SLC14A2: variants seen among roughly 807,000 people sequenced by gnomAD.
The protein encoded by SLC14A2 is solute carrier family 14 member 2.
SLC14A2 carries 91 observed loss-of-function variants against 104.6 expected under a neutral mutation model. The ratio of observed to expected loss-of-function variants is 0.87; its 90% CI spans 0.73 to 1.04. The LOEUF is 1.04. Among genes scored for constraint, SLC14A2 ranks in the 50% least tolerant of loss-of-function variants. SLC14A2 has a pLI of 0.00. For missense variants in SLC14A2, 1,189 were observed against 1,156.0 expected (o/e 1.03, Z -0.41); for synonymous variants, 476 against 466.4 (o/e 1.02, Z -0.27).
intron 1 of SLC14A2, among the ~76,000 whole-genome samples, chr18:45,363,030 T>C (rs976387740): frequency 1.3e-5 from 2 of 152,178 alleles, no homozygotes; most frequent in Admixed American, 6.5e-5. Flanking sequence ...TATCCATTCC[T>C]GTCTGCCCCT....
At chr18:45,630,239 C>T (rs1265112940) in intron 4 of SLC14A2, among the ~76,000 whole-genome samples, 1 of 152,150 alleles carries the variant, frequency 6.6e-6, no homozygotes, top group Non-Finnish European at 1.5e-5. Flanking sequence ...GCATCATAGG[C>T]TCAAAGCTCT....
Position 45,668,461 on chromosome 18 carries a change from A to T in SLC14A2, c.2020A>T (p.Ile674Phe), listed in dbSNP as rs1334941918. 6.2e-7 allele frequency: 1 copy of T among 1,614,032 alleles called. No individual in the cohort carries two copies. The highest frequency in any genetic ancestry group is 2.2e-5 in the East Asian group (1 of 44,902). Residue 674 changes from isoleucine to phenylalanine, a missense_variant, in exon 15 of 20, where the codon ATC becomes TTC. Ile to Phe is a conservative substitution (Grantham distance 21, BLOSUM62 0). Transcript: ENST00000255226. ...CTGGTGGCTGTTGCTACCCGTCATC[A>T]TCATGTCCATGTCTTGGTAAGTTTG... is the stretch of plus-strand genomic sequence containing the variant. ...YYWWLLLPVI[I>F]MSMSCPILSS...
intron 2 of SLC14A2, chr18:45,489,758 G>T (rs1382515365): frequency 1.3e-5 from 2 of 152,158 alleles, no homozygotes; most frequent in Admixed American, 6.5e-5. Context: ...TGACAGAAAG[G>T]AGTGTCACAA....
intron 4 of SLC14A2, among the ~76,000 whole-genome samples, chr18:45,630,920 A>G (rs1203616748): frequency 6.6e-6 from 1 of 151,988 alleles, no homozygotes; most frequent in East Asian, 1.9e-4. Flanking sequence ...AGCTGTCTAG[A>G]TATGCTCTCT....
intron 2 of SLC14A2, among the ~76,000 whole-genome samples, chr18:45,567,342 C>T (rs1400079741): frequency 6.6e-6 from 1 of 151,988 alleles, no homozygotes; most frequent in African/African-American, 2.4e-5. Flanking sequence ...AGTGTGGAAA[C>T]TTCCACTGGC....
chr18:45,172,003 G>A, the SLC14A2 span, among the ~76,000 whole-genome samples: 1 of 152,102 alleles, frequency 6.6e-6, no homozygotes, highest in Non-Finnish European at 1.5e-5. Context: ...ATTTTCCACA[G>A]ACAATGAAAT....
rs547384884 is a variant in SLC14A2, at chr18:45,532,606, G to A, written c.-35+49284G>A. Among the ~76,000 whole-genome samples, 1,377 of 150,776 alleles carry A rather than the reference G, an allele frequency of 9.1e-3. 26 individuals carry two copies. Among genetic ancestry groups the A allele is most frequent in the African/African-American group, 0.029 (1,182 of 40,544 alleles). On this transcript the variant is annotated intron_variant, in intron 2 of 20. Transcript: ENST00000586448. ...CTTAAGGAGATTTTGGGCTGAGACA[G>A]TGGGGTTTTCTAGATATACAATCAT...
chr18:45,542,138 A>G lies in SLC14A2; in HGVS notation c.-35+58816A>G, dbSNP rs1378911998. Reference sequence around the variant, plus strand: ...CTTAGGTTTTCAGCTCTCTTGCCTGAAATAGCCTCTAGCATTATCACAAAG... The same window carrying G: ...CTTAGGTTTTCAGCTCTCTTGCCTGGAATAGCCTCTAGCATTATCACAAAG... On this transcript the variant is annotated intron_variant, in intron 2 of 20. Transcript: ENST00000586448. 2.1e-5 allele frequency: 3 copies of G among 141,990 alleles called. No individual in the cohort carries two copies. The East Asian group carries it at 6.6e-4, about 31-fold the overall frequency. The allele number at this position is 141,990 out of a possible 1,614,324, so 8.8% of individuals were successfully genotyped here. A position where few individuals can be genotyped will look rare whatever the true frequency, so the allele number is the denominator to read the frequency against.
the SLC14A2 span, among the ~76,000 whole-genome samples, chr18:45,205,329 G>A: frequency 2.0e-5 from 3 of 152,230 alleles, no homozygotes; most frequent in South Asian, 2.1e-4. Flanking sequence ...CTTTAAGCCA[G>A]TGTGGGAAGG....
intron 2 of SLC14A2, among the ~76,000 whole-genome samples, chr18:45,499,088 A>ACAC (rs1372820472): frequency 1.3e-5 from 2 of 152,000 alleles, no homozygotes; most frequent in Non-Finnish European, 2.9e-5. Context: ...CCAGTCCCAA[A>ACAC]CACCACCACC....
At chr18:45,537,398 G>A (rs1322587266) in intron 2 of SLC14A2, among the ~76,000 whole-genome samples, 3 of 152,080 alleles carry the variant, frequency 2.0e-5, no homozygotes, top group East Asian at 1.9e-4. Context: ...TGACAAAGAC[G>A]TGAAGAAGGC....
chr18:45,313,257 A>T (rs893086345), intron 1 of SLC14A2, among the ~76,000 whole-genome samples: 3 of 152,132 alleles, frequency 2.0e-5, no homozygotes, highest in African/African-American at 7.2e-5. Flanking sequence ...CACTTCTAGG[A>T]TGGGATTGGA....
At chr18:45,519,344 G>A (rs2043484840) in intron 2 of SLC14A2, among the ~76,000 whole-genome samples, 1 of 152,208 alleles carries the variant, frequency 6.6e-6, no homozygotes, top group Non-Finnish European at 1.5e-5. Flanking sequence ...ATCAAGCAGA[G>A]TTCCATTTGA....
chr18:45,183,750 A>C, the SLC14A2 span, among the ~76,000 whole-genome samples: 1 of 145,162 alleles, frequency 6.9e-6, no homozygotes, highest in Non-Finnish European at 1.5e-5. Flanking sequence ...TCTTTCTTTC[A>C]AGACAGGGCC....
At chr18:45,456,773 A>T in intron 1 of SLC14A2, among the ~76,000 whole-genome samples, 3 of 139,852 alleles carry the variant, frequency 2.1e-5, no homozygotes, top group Non-Finnish European at 1.5e-5. Flanking sequence ...TTTTTGGATG[A>T]CCTTTTTGAA....
chr18:45,395,599 C>CT (rs1004040104), intron 1 of SLC14A2, among the ~76,000 whole-genome samples: 11 of 151,594 alleles, frequency 7.3e-5, no homozygotes, highest in Admixed American at 2.0e-4. Flanking sequence ...CTAATCCAAA[C>CT]TTTTTTTTTG....
At chr18:45,678,497 G>A (rs751173861) in intron 18 of SLC14A2, among the ~76,000 whole-genome samples, 79 of 152,012 alleles carry the variant, frequency 5.2e-4, no homozygotes, top group African/African-American at 2.2e-4. Context: ...GGCCAGCCTC[G>A]TCATGCCTTC....
the SLC14A2 span, among the ~76,000 whole-genome samples, chr18:45,175,171 G>A: frequency 6.6e-6 from 1 of 152,094 alleles, no homozygotes; most frequent in African/African-American, 2.4e-5. Flanking sequence ...ATACCTACAA[G>A]GTTGTTAATT....
intron 1 of SLC14A2, among the ~76,000 whole-genome samples, chr18:45,331,433 T>C (rs1568154820): frequency 6.6e-6 from 1 of 152,210 alleles, no homozygotes; most frequent in Non-Finnish European, 1.5e-5. Context: ...GGCTCACGCC[T>C]GTAATCCCAG....
Sources: gnomAD v4.1 joint callset for allele counts (sites outside exome capture counted in the v4.1 genomes callset) on GRCh38, gnomAD v4.1.1 for gene constraint, MANE v1.5 for transcripts, NCBI Gene and HGNC (gene_info 2026-07-23, HGNC 2026-07-21) for gene names.